GRM8: variants seen among roughly 807,000 people sequenced by gnomAD.
The protein encoded by GRM8 is glutamate metabotropic receptor 8, also known as metabotropic glutamate receptor 8.
GRM8 carries 47 observed loss-of-function variants against 87.2 expected under a neutral mutation model. The ratio of observed to expected loss-of-function variants is 0.54; its 90% confidence interval spans 0.43 to 0.69. The LOEUF (loss-of-function observed/expected upper bound fraction) is 0.69. Among genes scored for constraint, GRM8 ranks in the 30% least tolerant of loss-of-function variants. The pLI is 0.00. For synonymous variants in GRM8, 396 were observed against 404.5 expected, an observed-to-expected ratio of 0.98 and a Z score of 0.25; for missense variants, 1,019 against 1,139.2, an observed-to-expected ratio of 0.89 and a Z score of 1.52.
intron 7 of GRM8, among the ~76,000 whole-genome samples, chr7:126,660,912 T>C (rs573417253): frequency 6.6e-6 from 1 of 152,242 alleles, no homozygotes; most frequent in Non-Finnish European, 1.5e-5. Flanking sequence ...AAAGTATAAA[T>C]GTATAAGGGT....
chr7:126,969,437 C>T (rs1810194588), intron 3 of GRM8, among the ~76,000 whole-genome samples: 1 of 152,200 alleles, frequency 6.6e-6, no homozygotes, highest in Non-Finnish European at 1.5e-5. Flanking sequence ...ACAATGTTCA[C>T]AGCATCTTCA....
In GRM8 at chr7:127,091,239, A is replaced by T. The variant is rs552150018; in HGVS notation, c.727+15257T>A. ...GGCCCCCTTATTAGCTTGCACTGAGAATCAGCTGACCACAGCAGGACAATT... is the reference window on the plus strand; with the variant it reads ...GGCCCCCTTATTAGCTTGCACTGAGTATCAGCTGACCACAGCAGGACAATT... On this transcript the variant is annotated intron_variant, in intron 3 of 10. Transcript: ENST00000339582. 1.3e-4 allele frequency among the ~76,000 whole-genome samples: 20 copies of T among 152,086 alleles called. 1 individual carries two copies. The highest frequency in any genetic ancestry group is 2.4e-4 in the Non-Finnish European group (16 of 67,952).
intron 3 of GRM8, among the ~76,000 whole-genome samples, chr7:127,048,387 C>T (rs181727104): frequency 6.6e-6 from 1 of 152,274 alleles, no homozygotes; most frequent in East Asian, 1.9e-4. Flanking sequence ...TGCAGAGGCC[C>T]TGGTGGGCTT....
intron 6 of GRM8, among the ~76,000 whole-genome samples, chr7:126,816,109 G>C (rs778477313): frequency 3.3e-5 from 5 of 152,078 alleles, no homozygotes; most frequent in Admixed American, 1.3e-4. Flanking sequence ...GCTTCAGACA[G>C]CTTCCCTACA....
At chr7:126,535,293 T>C (rs183804610) in intron 8 of GRM8, among the ~76,000 whole-genome samples, 162 of 152,260 alleles carry the variant, frequency 1.1e-3, no homozygotes, top group African/African-American at 3.5e-3. Flanking sequence ...AAAGGCATTT[T>C]GGTTTCGGCC....
chr7:127,063,230 A>G (rs748254006), intron 3 of GRM8, among the ~76,000 whole-genome samples: 9 of 149,176 alleles, frequency 6.0e-5, no homozygotes, highest in Non-Finnish European at 1.0e-4. Context: ...TCCAGCCCGG[A>G]TGACAGAGTG....
intron 7 of GRM8, among the ~76,000 whole-genome samples, chr7:126,707,093 C>A (rs1810602876): frequency 6.6e-6 from 1 of 151,958 alleles, no homozygotes; most frequent in South Asian, 2.1e-4. Context: ...CGCTTGAGTC[C>A]AGGAATTCAA....
chr7:126,961,598 C>T (rs542654829), intron 3 of GRM8, among the ~76,000 whole-genome samples: 19 of 152,186 alleles, frequency 1.2e-4, no homozygotes, highest in Non-Finnish European at 2.8e-4. Context: ...TGGCTCTACT[C>T]CTGCCTCACC....
intron 2 of GRM8, among the ~76,000 whole-genome samples, chr7:127,232,075 G>C (rs1319486790): frequency 6.6e-6 from 1 of 152,034 alleles, no homozygotes; most frequent in Non-Finnish European, 1.5e-5. Flanking sequence ...CACTTGGCTG[G>C]AACATGAGCT....
chr7:126,988,876 C>T (rs1812369057), intron 3 of GRM8, among the ~76,000 whole-genome samples: 2 of 152,138 alleles, frequency 1.3e-5, no homozygotes, highest in Non-Finnish European at 2.9e-5. Flanking sequence ...CCAGTAGGTC[C>T]ATAAAGTGAG....
intron 3 of GRM8, among the ~76,000 whole-genome samples, chr7:126,998,302 T>C (rs1163389278): frequency 1.3e-5 from 2 of 151,876 alleles, no homozygotes; most frequent in African/African-American, 2.4e-5. Flanking sequence ...CCACAGTTAG[T>C]GTTATACAGA....
intron 8 of GRM8, 48 bp downstream of exon 8, chr7:126,609,314 C>T (rs760887138): frequency 1.4e-6 from 2 of 1,417,968 alleles, no homozygotes; most frequent in African/African-American, 1.4e-5. Flanking sequence ...ATAAAGCATC[C>T]CTCCTGGAGA....
rs775005633 is a variant in GRM8, at chr7:127,243,724, T to C, written c.-311-209A>G. On this transcript the variant is annotated intron_variant, in intron 1 of 10. Transcript: ENST00000339582. ...TTTTGGAGCAAGAGAAACAGAACAG[T>C]ATCAGGAAGTAGGTTGATTCTCCCA... 9.2e-5 allele frequency among the ~76,000 whole-genome samples: 14 copies of C among 152,282 alleles called. 1 individual carries two copies. The highest frequency in any genetic ancestry group is 1.8e-4 in the Non-Finnish European group (12 of 68,026).
In GRM8 at chr7:126,609,358, T is replaced by C; in HGVS notation, c.1494+4A>G. 1 of 1,611,832 alleles carries C rather than the reference T, an allele frequency of 6.2e-7. No homozygotes were observed. Among genetic ancestry groups the C allele is most frequent in the Non-Finnish European group, 8.5e-7 (1 of 1,178,290 alleles). On this transcript the variant is annotated splice_donor_region_variant and intron_variant, in intron 8 of 10. Transcript: ENST00000339582. ...CATTAATATATGTTTATGACGATACTTGCTTTTAGATGAAGCTGATTGGTC... is the reference window on the plus strand; with the variant it reads ...CATTAATATATGTTTATGACGATACCTGCTTTTAGATGAAGCTGATTGGTC...
At chr7:126,744,574 C>T (rs899629879) in intron 7 of GRM8, among the ~76,000 whole-genome samples, 1 of 151,960 alleles carries the variant, frequency 6.6e-6, no homozygotes, top group South Asian at 2.1e-4. Flanking sequence ...TATTTCAAAG[C>T]TTCTATGATT....
chr7:127,083,880 A>G (rs145666180), intron 3 of GRM8, among the ~76,000 whole-genome samples: 8 of 152,280 alleles, frequency 5.3e-5, no homozygotes, highest in African/African-American at 1.7e-4. Context: ...CAACCACTGT[A>G]AGTAACACCC....
In GRM8 at chr7:126,946,875, A is replaced by G. The variant is rs144568183; in HGVS notation, c.728-42192T>C. ...GAAAACAGGTCCATCCATTTGAGAA[A>G]AGGTGACCTGCTGATTCATACCTAG... On this transcript the variant is annotated intron_variant, in intron 3 of 10. Transcript: ENST00000339582. Among the ~76,000 whole-genome samples, 13 of 152,306 alleles carry G rather than the reference A, an allele frequency of 8.5e-5. No homozygotes were observed. The East Asian group carries it at 2.3e-3, about 27-fold the overall frequency.
At chr7:127,081,640 G>A (rs1012247352) in intron 3 of GRM8, among the ~76,000 whole-genome samples, 1 of 152,076 alleles carries the variant, frequency 6.6e-6, no homozygotes, top group African/African-American at 2.4e-5. Flanking sequence ...GGAGGCAGAG[G>A]GAAAAAGGGA....
chr7:126,798,510 T>A (rs141619796), intron 6 of GRM8, among the ~76,000 whole-genome samples: 30 of 152,274 alleles, frequency 2.0e-4, no homozygotes, highest in East Asian at 1.9e-3. Context: ...CATCAGCACA[T>A]ATCTGAGATA....
Sources: allele counts gnomAD v4.1 joint callset (sites outside exome capture counted in the v4.1 genomes callset), GRCh38; gene constraint gnomAD v4.1.1; transcripts MANE v1.5; gene names NCBI Gene and HGNC (gene_info 2026-07-23, HGNC 2026-07-21).